Variants in BDKRB2 observed in about 807,000 individuals in gnomAD.
The protein encoded by BDKRB2 is bradykinin receptor B2.
A neutral mutation model predicts 4.0 loss-of-function variants in BDKRB2; 6 were observed. The ratio of observed to expected loss-of-function variants is 1.49; its 90% CI spans 0.81 to 2.93. BDKRB2 has a LOEUF of 2.93. Ranked by LOEUF, BDKRB2 falls within the 30% of genes most tolerant of loss-of-function variation. The pLI, the probability that BDKRB2 is intolerant of heterozygous loss-of-function variation, is 0.00. For missense variants in BDKRB2, 478 were observed against 520.1 expected (o/e 0.92, Z 0.79); for synonymous variants, 225 against 215.3 (o/e 1.05, Z -0.40).
intron 1 of BDKRB2, among the ~76,000 whole-genome samples, chr14:96,231,582 C>T (rs1890820104): frequency 6.6e-6 from 1 of 152,164 alleles, no homozygotes. Flanking sequence ...CCACGTCAAT[C>T]AGCTTTTAGA....
chr14:96,216,808 AAGG>A lies in BDKRB2; in HGVS notation c.-40+11867_-40+11869del, dbSNP rs138949891. ...GAGGAGGAGGAAGTAGGAGAAGAAG[AAGG>A]AGGAGGAGGAGGAGGAGATCCTACA... On this transcript the variant is annotated intron_variant, in intron 1 of 2. Transcript: ENST00000554311. Among the ~76,000 whole-genome samples the A allele has an allele frequency of 3.2e-3, 465 of 145,286 alleles. 11 individuals carry two copies. In the East Asian group the frequency reaches 0.041, roughly 13 times the overall value.
chr14:96,231,726 G>C (rs1347508222), intron 1 of BDKRB2, among the ~76,000 whole-genome samples: 1 of 152,230 alleles, frequency 6.6e-6, no homozygotes, highest in African/African-American at 2.4e-5. Flanking sequence ...TATTGTTCAA[G>C]AGTTTGGGAT....
chr14:96,240,949 C>A lies in BDKRB2; in HGVS notation c.621C>A (p.Asn207Lys), dbSNP rs200470118. 27 of 1,592,876 alleles carry A rather than the reference C, an allele frequency of 1.7e-5. 1 individual carries two copies. The South Asian group carries it at 2.4e-4, about 14-fold the overall frequency. ...AGGAGTACAGCGATGAGGGCCACAA[C>A]GTCACCGCTTGTGTCATCAGCTACC... is the stretch of plus-strand genomic sequence containing the variant. ...TMKEYSDEGHNVTACVISYPS... is the reference protein window; with the variant it reads ...TMKEYSDEGHKVTACVISYPS... Residue 207 changes from asparagine (N) to lysine (K), a missense_variant, in exon 3 of 3, where the codon AAC becomes AAA. Asn to Lys is a moderately conservative substitution (Grantham distance 94). Transcript: ENST00000554311.
intron 2 of BDKRB2, 200 bp from the exon 3 acceptor site, chr14:96,240,203 A>T (rs1252554413): frequency 1.5e-6 from 2 of 1,296,364 alleles, no homozygotes; most frequent in Non-Finnish European, 2.0e-6. Context: ...CCCCGTTTAG[A>T]TCCAAGGATC....
At chr14:96,227,710 A>C (rs1890731827) in intron 1 of BDKRB2, among the ~76,000 whole-genome samples, 1 of 151,924 alleles carries the variant, frequency 6.6e-6, no homozygotes, top group Non-Finnish European at 1.5e-5. Context: ...CACACACACA[A>C]ATGCACACAC....
intron 1 of BDKRB2, among the ~76,000 whole-genome samples, chr14:96,206,071 C>T (rs182958150): frequency 6.6e-6 from 1 of 152,302 alleles, no homozygotes; most frequent in African/African-American, 2.4e-5. Context: ...TAAGCAACCC[C>T]AGAGGACATT....
intron 1 of BDKRB2, among the ~76,000 whole-genome samples, chr14:96,208,986 G>A (rs910635006): frequency 6.6e-6 from 1 of 152,208 alleles, no homozygotes; most frequent in East Asian, 1.9e-4. Context: ...GCACAGCCCC[G>A]TCGCTTCTGT....
At chr14:96,223,143 C>G in intron 1 of BDKRB2, 2 of 1,269,430 alleles carry the variant, frequency 1.6e-6, no homozygotes, top group Admixed American at 3.4e-5. Flanking sequence ...CGGACAGATA[C>G]GACGACGAGG....
chr14:96,236,197 G>A (rs1313925718), intron 1 of BDKRB2, among the ~76,000 whole-genome samples: 1 of 152,092 alleles, frequency 6.6e-6, no homozygotes, highest in Non-Finnish European at 1.5e-5. Flanking sequence ...CCAGCCGGAG[G>A]GACTGGAAAT....
At chr14:96,222,895 T>A (rs1890607039) in intron 1 of BDKRB2, among the ~76,000 whole-genome samples, 2 of 152,160 alleles carry the variant, frequency 1.3e-5, no homozygotes, top group African/African-American at 4.8e-5. Context: ...TTACTTTTTT[T>A]AATGTGGCTA....
chr14:96,231,896 A>T (rs78352713), intron 1 of BDKRB2, among the ~76,000 whole-genome samples: 4,108 of 152,250 alleles, frequency 0.027, 70 homozygotes, highest in Non-Finnish European at 0.036. Flanking sequence ...GAGATAGGAG[A>T]TGCAGAGGGA....
At chr14:96,218,856 T>C (rs1283351242) in intron 1 of BDKRB2, among the ~76,000 whole-genome samples, 1 of 146,874 alleles carries the variant, frequency 6.8e-6, no homozygotes, top group African/African-American at 2.5e-5. Context: ...GGGACGGAGG[T>C]TGCAGTGAGC....
intron 1 of BDKRB2, among the ~76,000 whole-genome samples, chr14:96,231,146 G>A (rs1161993573): frequency 6.6e-6 from 1 of 152,142 alleles, no homozygotes; most frequent in Non-Finnish European, 1.5e-5. Context: ...AAGCCAGGCC[G>A]GCAGGCCTCC....
At chr14:96,228,848 A>C (rs145925927) in intron 1 of BDKRB2, among the ~76,000 whole-genome samples, 1 of 152,314 alleles carries the variant, frequency 6.6e-6, no homozygotes, top group African/African-American at 2.4e-5. Flanking sequence ...GAGCCAGAGA[A>C]AGGACTTGAC....
chr14:96,238,362 T>G, intron 2 of BDKRB2: 1 of 723,540 alleles, frequency 1.4e-6, no homozygotes, highest in Non-Finnish European at 1.7e-6. Flanking sequence ...ACACCATCCC[T>G]GCCACCATTA....
In BDKRB2 at chr14:96,243,994, G is replaced by A; in HGVS notation, c.*2490G>A. 1 of 391,338 alleles carries A rather than the reference G, an allele frequency of 2.6e-6. No individual in the cohort carries two copies. The highest frequency in any genetic ancestry group is 3.6e-5 in the East Asian group (1 of 27,658). 24.2% of individuals were successfully genotyped at this position (391,338 alleles called of 1,614,324 possible). A position where few individuals can be genotyped will look rare whatever the true frequency, so the allele number is the denominator to read the frequency against. On this transcript the variant is annotated 3_prime_UTR_variant, in exon 3 of 3. Transcript: ENST00000554311. ...GTCTGAGGGGCAACTGAGTCTGCGG[G>A]AGAAGAGCGGCCCTATGCATGGTGT...
rs756610849 is a variant in BDKRB2 at position 96,240,654 on chromosome 14, G to A, written c.326G>A (p.Gly109Glu). ...GCAGCAGACCTGATCCTGGCCTGCG[G>A]GCTGCCCTTCTGGGCCATCACCATC... ...LAAADLILACGLPFWAITISN... is the reference protein window; with the variant it reads ...LAAADLILACELPFWAITISN... The change falls in exon 3 of 3, where the codon GGG becomes GAG. Residue 109 changes from glycine to glutamate, a missense_variant. Transcript: ENST00000554311. 3 of 1,574,842 alleles carry A rather than the reference G, an allele frequency of 1.9e-6. No individual in the cohort carries two copies. Among genetic ancestry groups the A allele is most frequent in the Non-Finnish European group, 2.6e-6 (3 of 1,163,416 alleles).
In BDKRB2 at chr14:96,241,036, C is replaced by T; in HGVS notation, c.708C>T (p.Pro236=). 1 of 1,610,228 alleles carries T rather than the reference C, an allele frequency of 6.2e-7. No homozygotes were observed. The highest frequency in any genetic ancestry group is 1.1e-5 in the South Asian group (1 of 90,914). Reference sequence around the variant, plus strand: ...TGAATGTCGTGGGCTTCCTGCTGCCCCTGAGTGTCATCACCTTCTGCACGA... The same window carrying T: ...TGAATGTCGTGGGCTTCCTGCTGCCTCTGAGTGTCATCACCTTCTGCACGA... ...MLLNVVGFLL[P]LSVITFCTMQ... Residue 236 remains proline, a synonymous_variant, in exon 3 of 3, where the codon CCC becomes CCT. Transcript: ENST00000554311.
intron 1 of BDKRB2, among the ~76,000 whole-genome samples, chr14:96,211,552 C>A (rs142929688): frequency 6.6e-6 from 1 of 152,230 alleles, no homozygotes; most frequent in Non-Finnish European, 1.5e-5. Flanking sequence ...CTGTGCTGAT[C>A]ATTTGTGATA....
Sources: allele counts gnomAD v4.1 joint callset (sites outside exome capture counted in the v4.1 genomes callset), GRCh38; gene constraint gnomAD v4.1.1; transcripts MANE v1.5; gene names NCBI Gene and HGNC (gene_info 2026-07-23, HGNC 2026-07-21).